The following GTF2A1L variants were observed in gnomAD, a reference collection of about 807,000 sequenced individuals.
The protein encoded by GTF2A1L is TFIIA-alpha and beta-like factor.
Under a neutral mutation model 49.7 loss-of-function variants are expected in GTF2A1L, and 48 were observed. That is an observed-to-expected ratio of 0.97 (90% CI 0.77 to 1.23). GTF2A1L has a LOEUF of 1.23. Among genes scored for constraint, GTF2A1L ranks in the 50% most tolerant of loss-of-function variants. GTF2A1L has a pLI of 0.00. For synonymous variants in GTF2A1L, 246 were observed against 193.5 expected, an observed-to-expected ratio of 1.27 and a Z score of -2.25; for missense variants, 736 against 564.8, an observed-to-expected ratio of 1.30 and a Z score of -3.07.
Position 48,625,918 on chromosome 2 carries a change from G to C in GTF2A1L, c.247+4628G>C, listed in dbSNP as rs1217916745. Reference sequence around the variant, plus strand: ...CGCTTTTGTAGCCCGAGCTTTTGGTGTGATATCCAAAAAATCATTGCCAAG... The same window carrying C: ...CGCTTTTGTAGCCCGAGCTTTTGGTCTGATATCCAAAAAATCATTGCCAAG... On this transcript the variant is annotated intron_variant, in intron 3 of 8. Transcript: ENST00000403751. Among the ~76,000 whole-genome samples the C allele has an allele frequency of 6.9e-5, 10 of 143,900 alleles. 2 individuals carry two copies. The allele number at this position is 143,900 out of a possible 152,430, so 94.4% of individuals were successfully genotyped here.
intron 3 of GTF2A1L, among the ~76,000 whole-genome samples, chr2:48,634,161 G>A (rs1289254110): frequency 6.6e-6 from 1 of 152,132 alleles, no homozygotes. Context: ...CACTCAGGCT[G>A]GAGTGCAGTG....
At chr2:48,655,832 T>A (rs1420860996) in intron 6 of GTF2A1L, among the ~76,000 whole-genome samples, 1 of 152,172 alleles carries the variant, frequency 6.6e-6, no homozygotes, top group Admixed American at 6.5e-5. Context: ...CCATGCCCAT[T>A]AAGCAGTAAC....
chr2:48,633,429 C>T (rs536709385), intron 3 of GTF2A1L: 2 of 152,932 alleles, frequency 1.3e-5, no homozygotes, highest in East Asian at 1.9e-4. Context: ...CATGATGCAG[C>T]TGGAGCAGTG....
chr2:48,675,375 G>C (rs1216286672), intron 8 of GTF2A1L, among the ~76,000 whole-genome samples: 1 of 151,928 alleles, frequency 6.6e-6, no homozygotes, highest in African/African-American at 2.4e-5. Context: ...AGCAGTGTTT[G>C]GTTTCTTTAG....
At chr2:48,671,979 AC>A (rs1334062916) in intron 8 of GTF2A1L, among the ~76,000 whole-genome samples, 2 of 152,258 alleles carry the variant, frequency 1.3e-5, no homozygotes, top group African/African-American at 4.8e-5. Context: ...AAAATATGTG[AC>A]AGGTAAATCA....
chr2:48,672,697 C>T (rs916628935), intron 8 of GTF2A1L, among the ~76,000 whole-genome samples: 1 of 152,126 alleles, frequency 6.6e-6, no homozygotes, highest in Admixed American at 6.5e-5. Flanking sequence ...TTAAAAAACA[C>T]TACAGCTGTG....
intron 6 of GTF2A1L, among the ~76,000 whole-genome samples, chr2:48,664,315 GTTTTTTTT>G (rs796623550): frequency 1.5e-3 from 208 of 142,682 alleles, no homozygotes; most frequent in African/African-American, 5.1e-3. Flanking sequence ...CTTTAATGTA[GTTTTTTTT>G]TTTTTAAATC....
At chr2:48,619,661 A>C (rs544517548) in intron 1 of GTF2A1L, among the ~76,000 whole-genome samples, 1 of 152,210 alleles carries the variant, frequency 6.6e-6, no homozygotes, top group East Asian at 1.9e-4. Flanking sequence ...ACTCAACTAA[A>C]TTCCTGCTTT....
Position 48,623,675 on chromosome 2 carries a change from G to T in GTF2A1L, c.247+2385G>T, listed in dbSNP as rs6545054. Among the ~76,000 whole-genome samples the T allele has an allele frequency of 1.3e-4, 20 of 152,090 alleles. No homozygotes were observed. The East Asian group carries it at 1.4e-3, about 10-fold the overall frequency. On this transcript the variant is annotated intron_variant, in intron 3 of 8. Coordinates refer to ENST00000403751, the MANE Select transcript of GTF2A1L (RefSeq NM_006872.5). ...CATGGAATCAACTCAACCCATACAT[G>T]GTGGATTGGATAAAGAAAATGTGGT... is the stretch of plus-strand genomic sequence containing the variant.
rs984080381 is a variant in GTF2A1L at position 48,619,917 on chromosome 2, G to A, written c.22-934G>A. On this transcript the variant is annotated intron_variant, in intron 1 of 8. Coordinates refer to ENST00000403751, the MANE Select transcript of GTF2A1L (RefSeq NM_006872.5). The stretch of plus-strand genomic sequence containing the variant: ...TCTTCAGTATGCACACTGTGGATGG[G>A]TAAGGTTGTTCGTGCCCTTCTTAGG... 2.6e-5 allele frequency among the ~76,000 whole-genome samples: 4 copies of A among 152,208 alleles called. No homozygotes were observed. The East Asian group carries it at 7.7e-4, about 29-fold the overall frequency.
chr2:48,670,099 A>G (rs975851721), intron 7 of GTF2A1L, 117 bp downstream of exon 7: 8 of 1,421,124 alleles, frequency 5.6e-6, no homozygotes, highest in Non-Finnish European at 7.4e-6. Context: ...TTTTGAAATA[A>G]GACTTATTTG....
chr2:48,672,241 A>G (rs1679209572), intron 8 of GTF2A1L, among the ~76,000 whole-genome samples: 1 of 152,196 alleles, frequency 6.6e-6, no homozygotes, highest in Non-Finnish European at 1.5e-5. Context: ...CAGAGAAATG[A>G]ATGGATGTAG....
chr2:48,630,455 A>C (rs1018401902), intron 3 of GTF2A1L, among the ~76,000 whole-genome samples: 2 of 144,104 alleles, frequency 1.4e-5, no homozygotes, highest in Non-Finnish European at 3.1e-5. Flanking sequence ...TACTAATTTT[A>C]TACATTGGTT....
chr2:48,654,689 A>AT (rs924591331), intron 6 of GTF2A1L, among the ~76,000 whole-genome samples: 16 of 151,196 alleles, frequency 1.1e-4, no homozygotes, highest in East Asian at 3.9e-4. Context: ...TGGATAGCTC[A>AT]TTTTTTTTTA....
intron 6 of GTF2A1L, among the ~76,000 whole-genome samples, chr2:48,657,277 C>T (rs890450582): frequency 6.6e-6 from 1 of 152,038 alleles, no homozygotes; most frequent in Non-Finnish European, 1.5e-5. Context: ...TTTGGAGTCC[C>T]CAATGTCTAT....
intron 8 of GTF2A1L, among the ~76,000 whole-genome samples, chr2:48,672,451 G>A (rs1277033285): frequency 1.3e-5 from 2 of 152,190 alleles, no homozygotes; most frequent in Non-Finnish European, 2.9e-5. Flanking sequence ...TTGTAATTGG[G>A]TTTAAAAGCC....
At chr2:48,619,171 A>G (rs763062923) in intron 1 of GTF2A1L, among the ~76,000 whole-genome samples, 2 of 152,204 alleles carry the variant, frequency 1.3e-5, no homozygotes, top group African/African-American at 4.8e-5. Flanking sequence ...AGCTTTAAAT[A>G]CTAAATACTC....
chr2:48,630,890 TTC>T (rs1676531834), intron 3 of GTF2A1L, among the ~76,000 whole-genome samples: 1 of 152,192 alleles, frequency 6.6e-6, no homozygotes, highest in Non-Finnish European at 1.5e-5. Flanking sequence ...TTGCTTTTAA[TTC>T]TGTTTATTGT....
Position 48,627,712 on chromosome 2 carries a change from TG to T in GTF2A1L, c.247+6423del, listed in dbSNP as rs1479534858. Among the ~76,000 whole-genome samples, 3 of 143,864 alleles carry T rather than the reference TG, an allele frequency of 2.1e-5. 1 individual carries two copies. Among genetic ancestry groups the T allele is most frequent in the East Asian group, 1.9e-4 (1 of 5,134 alleles). The allele number at this position is 143,864 out of a possible 152,430, so 94.4% of individuals were successfully genotyped here. On this transcript the variant is annotated intron_variant, in intron 3 of 8. Coordinates refer to ENST00000403751, the MANE Select transcript of GTF2A1L (RefSeq NM_006872.5). The stretch of plus-strand genomic sequence containing the variant: ...TGGTGTTTCTTGAAAAAAGAGGCCA[TG>T]TTTTTTTTTCTTTTCAACTTTTATT...
Sources: allele counts gnomAD v4.1 joint callset (sites outside exome capture counted in the v4.1 genomes callset), GRCh38; gene constraint gnomAD v4.1.1; transcripts MANE v1.5; gene names NCBI Gene and HGNC (gene_info 2026-07-23, HGNC 2026-07-21).